The following ZCCHC4 variants were observed in gnomAD, a reference collection of about 807,000 sequenced individuals.
The protein encoded by ZCCHC4 is rRNA N(6)-adenosine-methyltransferase ZCCHC4.
Under a neutral mutation model 67.7 loss-of-function variants are expected in ZCCHC4, and 54 were observed. The observed-to-expected ratio is 0.80, with a 90% CI of 0.64 to 1.00. The LOEUF is 1.00. Ranked by LOEUF, ZCCHC4 falls within the 50% of genes least tolerant of loss-of-function variation. The probability of loss-of-function intolerance (pLI) is 0.00; values close to 1 mark genes in which losing one functional copy is unlikely to be tolerated. For synonymous variants in ZCCHC4, 198 were observed against 213.5 expected (o/e 0.93, Z 0.63); for missense variants, 609 against 617.0 (o/e 0.99, Z 0.14).
At chr4:25,322,579 G>A (rs975460298) in intron 3 of ZCCHC4, among the ~76,000 whole-genome samples, 2 of 151,896 alleles carry the variant, frequency 1.3e-5, no homozygotes, top group Non-Finnish European at 2.9e-5. Context: ...CAGTGGCATC[G>A]TGATCTTGGC....
Position 25,351,669 on chromosome 4 carries a change from T to C in ZCCHC4, c.991T>C (p.Phe331Leu). Reference sequence around the variant, plus strand: ...CCGAATTTGTCAGTTTTTTCCAAGCTTCCAGATGCTGGATTACCAGGTAGA... The same window carrying C: ...CCGAATTTGTCAGTTTTTTCCAAGCCTCCAGATGCTGGATTACCAGGTAGA... ...ESRICQFFPS[F>L]QMLDYQVDYD... The change falls in exon 8 of 13, where the codon TTC becomes CTC. Residue 331 changes from phenylalanine to leucine, a missense_variant. Phe to Leu is a conservative substitution (Grantham distance 22, BLOSUM62 0). Transcript: ENST00000302874. The C allele has an allele frequency of 6.2e-7, 1 of 1,611,666 alleles. No homozygotes were observed. The highest frequency in any genetic ancestry group is 1.1e-5 in the South Asian group (1 of 90,712).
At chr4:25,322,497 C>G (rs1173510021) in intron 3 of ZCCHC4, among the ~76,000 whole-genome samples, 2 of 152,008 alleles carry the variant, frequency 1.3e-5, no homozygotes, top group Non-Finnish European at 2.9e-5. Context: ...TGTTTAAAAA[C>G]CACTGAATTG....
chr4:25,333,090 A>C (rs1025566905), intron 3 of ZCCHC4, 93 bp from the exon 4 acceptor site: 8 of 1,324,394 alleles, frequency 6.0e-6, no homozygotes, highest in Middle Eastern at 2.2e-4. Context: ...TAGGAAGTAA[A>C]AATACTTTTT....
At chr4:25,315,540 T>G (rs1718214365) in intron 3 of ZCCHC4, 140 bp downstream of exon 3, 1 of 591,674 alleles carries the variant, frequency 1.7e-6, no homozygotes, top group Non-Finnish European at 2.6e-6. Flanking sequence ...GCCATTTTAA[T>G]CATTTTCAAG....
chr4:25,337,904 C>T (rs1044853433), intron 5 of ZCCHC4, among the ~76,000 whole-genome samples: 5 of 152,070 alleles, frequency 3.3e-5, no homozygotes, highest in East Asian at 1.9e-4. Flanking sequence ...TACCATAGTG[C>T]GTCTTCTCAA....
chr4:25,338,983 A>C (rs1719602811), intron 5 of ZCCHC4, among the ~76,000 whole-genome samples: 1 of 152,120 alleles, frequency 6.6e-6, no homozygotes, highest in African/African-American at 2.4e-5. Context: ...ATTCTCTCAC[A>C]GTTCTGGAGG....
rs772003078 is a variant in ZCCHC4 at position 25,312,917 on chromosome 4, C to G, written c.108C>G (p.Pro36=). The G allele has an allele frequency of 1.3e-4, 207 of 1,612,544 alleles. No homozygotes were observed. The highest frequency in any genetic ancestry group is 1.7e-4 in the Non-Finnish European group (196 of 1,179,946). Residue 36 remains proline (P), a synonymous_variant, in exon 1 of 13, where the codon CCC becomes CCG. Transcript: ENST00000302874. ...TGCTTCCTTTGGATCCTGCCGTCCC[C>G]GCCCCGCTGTGCCCTCACGGTGGGT... is the stretch of plus-strand genomic sequence containing the variant. ...EVVLPLDPAV[P]APLCPHGPTL...
intron 5 of ZCCHC4, among the ~76,000 whole-genome samples, chr4:25,344,186 T>C (rs2109075879): frequency 6.6e-6 from 1 of 152,102 alleles, no homozygotes; most frequent in South Asian, 2.1e-4. Context: ...CCTAGTAAAT[T>C]AGCAGGAATT....
intron 3 of ZCCHC4, among the ~76,000 whole-genome samples, chr4:25,330,188 A>G (rs1478253435): frequency 6.6e-6 from 1 of 151,878 alleles, no homozygotes; most frequent in Non-Finnish European, 1.5e-5. Flanking sequence ...ACAGGGTTTC[A>G]CCATGTTGGC....
chr4:25,332,676 C>CG (rs1447812900), intron 3 of ZCCHC4, among the ~76,000 whole-genome samples: 2 of 152,158 alleles, frequency 1.3e-5, no homozygotes, highest in African/African-American at 4.8e-5. Context: ...GCTTATAACT[C>CG]CATCAGTACT....
chr4:25,362,277 G>A lies in ZCCHC4; in HGVS notation c.1185G>A (p.Glu395=). 6.2e-7 allele frequency: 1 copy of A among 1,608,688 alleles called. No homozygotes were observed. Among genetic ancestry groups the A allele is most frequent in the Non-Finnish European group, 8.5e-7 (1 of 1,176,876 alleles). The change falls in exon 10 of 13, where the codon GAG becomes GAA. Residue 395 remains glutamate (E), a synonymous_variant. Coordinates refer to ENST00000302874, the MANE Select transcript of ZCCHC4 (RefSeq NM_024936.3). ...TTTCTCTAGAGAATCAACACTGTGA[G>A]CTCTGTAATTCTTGCACATCCAAGG... ...RYVSLENQHC[E]LCNSCTSKDG...
rs199749894 is a variant in ZCCHC4, at chr4:25,365,082, C to T, written c.1322C>T (p.Pro441Leu). ...CAVPDHSCEG[P>L]KHGCFICGEL... Reference sequence around the variant, plus strand: ...GTTCCAGATCATTCTTGTGAGGGCCCCAAACATGGCTGCTTTATTTGTGGT... The same window carrying T: ...GTTCCAGATCATTCTTGTGAGGGCCTCAAACATGGCTGCTTTATTTGTGGT... Residue 441 changes from proline to leucine, a missense_variant, in exon 12 of 13, where the codon CCC (proline) becomes CTC (leucine). Coordinates refer to ENST00000302874, the MANE Select transcript of ZCCHC4 (RefSeq NM_024936.3). 4.3e-6 allele frequency: 7 copies of T among 1,614,062 alleles called. No homozygotes were observed. The highest frequency in any genetic ancestry group is 1.3e-5 in the African/African-American group (1 of 74,930).
At chr4:25,320,140 A>G (rs1207646507) in intron 3 of ZCCHC4, among the ~76,000 whole-genome samples, 2 of 151,082 alleles carry the variant, frequency 1.3e-5, no homozygotes, top group Non-Finnish European at 2.9e-5. Flanking sequence ...TATGTTTCAT[A>G]TGTGTTCAGT....
intron 5 of ZCCHC4, among the ~76,000 whole-genome samples, chr4:25,335,133 G>A (rs1342341854): frequency 6.6e-6 from 1 of 152,206 alleles, no homozygotes; most frequent in Non-Finnish European, 1.5e-5. Context: ...GATTTTTAAA[G>A]TGTAAAATGT....
chr4:25,319,714 G>A (rs1310339382), intron 3 of ZCCHC4, among the ~76,000 whole-genome samples: 1 of 151,912 alleles, frequency 6.6e-6, no homozygotes, highest in South Asian at 2.1e-4. Context: ...TCTGTCTTCA[G>A]CTTGAGACTA....
intron 8 of ZCCHC4, chr4:25,352,504 G>A: frequency 3.2e-6 from 2 of 621,672 alleles, no homozygotes; most frequent in Non-Finnish European, 4.0e-6. Flanking sequence ...TGCTTCCCAG[G>A]TTCAAGCGAT....
intron 6 of ZCCHC4, among the ~76,000 whole-genome samples, chr4:25,346,890 A>T (rs2109078982): frequency 6.6e-6 from 1 of 152,340 alleles, no homozygotes; most frequent in Non-Finnish European, 1.5e-5. Context: ...TGGCAGTGAG[A>T]AAAGGAGAGA....
intron 5 of ZCCHC4, among the ~76,000 whole-genome samples, chr4:25,337,155 A>G (rs1334331301): frequency 1.3e-5 from 2 of 152,112 alleles, no homozygotes; most frequent in Non-Finnish European, 2.9e-5. Flanking sequence ...TTTCTAGGTT[A>G]TTTATATTTT....
chr4:25,341,116 T>C (rs1719739441), intron 5 of ZCCHC4, among the ~76,000 whole-genome samples: 1 of 152,202 alleles, frequency 6.6e-6, no homozygotes. Flanking sequence ...ACTTTCTTAA[T>C]AACATTTTCT....
Sources: allele counts gnomAD v4.1 joint callset (sites outside exome capture counted in the v4.1 genomes callset), GRCh38; gene constraint gnomAD v4.1.1; transcripts MANE v1.5; gene names NCBI Gene and HGNC (gene_info 2026-07-23, HGNC 2026-07-21).